The following PRH1 variants were observed in gnomAD, a reference collection of about 807,000 sequenced individuals.
PRH1 encodes the protein proline rich protein HaeIII subfamily 1.
Under a neutral mutation model 7.9 loss-of-function variants are expected in PRH1, and 7 were observed. The ratio of observed to expected loss-of-function variants is 0.89; its 90% confidence interval spans 0.50 to 1.67. PRH1 has a LOEUF of 1.67. Ranked by LOEUF, PRH1 falls within the 40% of genes most tolerant of loss-of-function variation. The pLI, the probability that PRH1 is intolerant of heterozygous loss-of-function variation, is 0.00. For missense variants in PRH1, 109 were observed against 223.6 expected, an observed-to-expected ratio of 0.49 and a Z score of 3.27; for synonymous variants, 45 against 80.8, an observed-to-expected ratio of 0.56 and a Z score of 2.38.
chr12:10,946,746 C>A (rs116835040), intron 2 of PRH1, among the ~76,000 whole-genome samples: 3,013 of 152,066 alleles, frequency 0.02, 35 homozygotes, highest in South Asian at 0.032. Context: ...TAATTTGAGG[C>A]CTTACAAACT....
chr12:10,965,391 A>C, intron 2 of PRH1: 9 of 850,536 alleles, frequency 1.1e-5, no homozygotes, highest in Non-Finnish European at 1.6e-5. Flanking sequence ...TGAAGGCCTA[A>C]CAGCACTGGC....
intron 1 of PRH1, among the ~76,000 whole-genome samples, chr12:11,010,180 A>T (rs1037755096): frequency 6.6e-6 from 1 of 151,930 alleles, no homozygotes; most frequent in Non-Finnish European, 1.5e-5. Context: ...ATTCAGCTTG[A>T]CTTGAGCTTT....
At chr12:10,889,844 A>G (rs1380412455) in intron 2 of PRH1, among the ~76,000 whole-genome samples, 1 of 152,050 alleles carries the variant, frequency 6.6e-6, no homozygotes, top group African/African-American at 2.4e-5. Context: ...CATTTCTAAA[A>G]TATCTGTTTT....
At chr12:11,143,613 T>C (rs551979672) in intron 1 of PRH1, among the ~76,000 whole-genome samples, 1 of 151,892 alleles carries the variant, frequency 6.6e-6, no homozygotes, top group South Asian at 2.1e-4. Context: ...TATACAGACA[T>C]GCACAGATAG....
chr12:11,146,917 G>A (rs1467522331), intron 1 of PRH1, among the ~76,000 whole-genome samples: 1 of 151,964 alleles, frequency 6.6e-6, no homozygotes, highest in Non-Finnish European at 1.5e-5. Flanking sequence ...ATTCCCTTTT[G>A]TTGTCTATTG....
At chr12:11,157,829 G>T (rs1313076548) in intron 1 of PRH1, among the ~76,000 whole-genome samples, 1 of 152,196 alleles carries the variant, frequency 6.6e-6, no homozygotes, top group Non-Finnish European at 1.5e-5. Flanking sequence ...AGTGGTGGTG[G>T]TGGTGATGAT....
At chr12:10,904,940 C>A (rs900437915) in intron 2 of PRH1, among the ~76,000 whole-genome samples, 1 of 151,550 alleles carries the variant, frequency 6.6e-6, no homozygotes, top group African/African-American at 2.4e-5. Context: ...CATCACTAAT[C>A]ATTAGAGACA....
intron 1 of PRH1, among the ~76,000 whole-genome samples, chr12:10,991,260 A>G (rs935636510): frequency 6.6e-6 from 1 of 152,330 alleles, no homozygotes; most frequent in Admixed American, 6.5e-5. Context: ...AGAGAAAAAT[A>G]TAAAAACAGA....
At chr12:11,149,506 A>G in intron 1 of PRH1, among the ~76,000 whole-genome samples, 5 of 149,684 alleles carry the variant, frequency 3.3e-5, no homozygotes, top group South Asian at 2.1e-4. Flanking sequence ...GCCGTCAGAA[A>G]TAACGCCGCA....
At chr12:11,031,113 A>C (rs1942188140) in intron 1 of PRH1, 1 of 1,614,166 alleles carries the variant, frequency 6.2e-7, no homozygotes, top group Non-Finnish European at 8.5e-7. Context: ...ACACTATAAA[A>C]AGCTGGATTA....
chr12:10,884,270 A>G (rs961925374), upstream of PRH1: 12 of 1,611,272 alleles, frequency 7.4e-6, no homozygotes, highest in Non-Finnish European at 1.7e-6. Flanking sequence ...GAAACGTGTC[A>G]GCTCCCTTTA....
intron 2 of PRH1, among the ~76,000 whole-genome samples, chr12:10,955,303 A>T (rs1257359096): frequency 2.0e-5 from 3 of 152,178 alleles, no homozygotes; most frequent in African/African-American, 7.2e-5. Flanking sequence ...ATAATTACAT[A>T]GAAATTAAAC....
intron 1 of PRH1, among the ~76,000 whole-genome samples, chr12:11,035,425 T>A (rs887823823): frequency 6.6e-6 from 1 of 152,198 alleles, no homozygotes; most frequent in African/African-American, 2.4e-5. Context: ...GGTTTTTAAC[T>A]CTATTGGATT....
chr12:11,096,956 C>T lies in PRH1; in HGVS notation n.124-49768G>A, dbSNP rs1481477072. Among the ~76,000 whole-genome samples, 2 of 113,268 alleles carry T rather than the reference C, an allele frequency of 1.8e-5. 1 individual carries two copies. Among genetic ancestry groups the T allele is most frequent in the African/African-American group, 6.0e-5 (2 of 33,554 alleles). The allele number at this position is 113,268 out of a possible 152,430, so 74.3% of individuals were successfully genotyped here. On this transcript the variant is annotated intron_variant and non_coding_transcript_variant, in intron 1 of 4. Transcript: ENST00000541977. ...GGGACTACAGGCACCCACCACCACG[C>T]TCGGCTAATTTTTTCGTATTTTTAG...
chr12:10,904,920 A>C (rs1423751940), intron 2 of PRH1, among the ~76,000 whole-genome samples: 1 of 152,168 alleles, frequency 6.6e-6, no homozygotes, highest in Non-Finnish European at 1.5e-5. Flanking sequence ...AAATATTTTA[A>C]AAGGCTCAAC....
intron 1 of PRH1, among the ~76,000 whole-genome samples, chr12:11,037,236 C>A (rs1942468984): frequency 6.6e-6 from 1 of 152,162 alleles, no homozygotes; most frequent in Non-Finnish European, 1.5e-5. Context: ...CATTAGCAAG[C>A]CAAATTCTTG....
intron 1 of PRH1, among the ~76,000 whole-genome samples, chr12:11,143,513 CAAT>C (rs778693022): frequency 6.6e-6 from 1 of 152,070 alleles, no homozygotes; most frequent in Non-Finnish European, 1.5e-5. Flanking sequence ...TCCTTACTAC[CAAT>C]AATAACATTG....
intron 1 of PRH1, among the ~76,000 whole-genome samples, chr12:11,037,201 A>G (rs533611221): frequency 6.6e-6 from 1 of 152,350 alleles, no homozygotes; most frequent in East Asian, 1.9e-4. Context: ...CAGTATATCA[A>G]CTTTAGTTTA....
At chr12:11,116,168 G>T (rs533234474), downstream of PRH1, among the ~76,000 whole-genome samples, 4 of 151,982 alleles carry the variant, frequency 2.6e-5, no homozygotes, top group Non-Finnish European at 5.9e-5. Context: ...AAGAAAAAAA[G>T]ATCAAAATTA....
Sources: gnomAD v4.1 joint callset for allele counts (sites outside exome capture counted in the v4.1 genomes callset) on GRCh38, gnomAD v4.1.1 for gene constraint, MANE v1.5 for transcripts, NCBI Gene and HGNC (gene_info 2026-07-23, HGNC 2026-07-21) for gene names.